LMNA: variants seen among roughly 807,000 people sequenced by gnomAD.
The protein encoded by LMNA is lamin.
A neutral mutation model predicts 70.4 loss-of-function variants in LMNA; 20 were observed. That is an observed-to-expected ratio of 0.28 (90% CI 0.20 to 0.41). The LOEUF (loss-of-function observed/expected upper bound fraction) is 0.41, where lower values mean the gene tolerates loss of function less well. Ranked by LOEUF, LMNA falls within the 10% of genes least tolerant of loss-of-function variation. The pLI is 1.00. For synonymous variants in LMNA, 339 were observed against 372.8 expected (o/e 0.91, Z 1.04); for missense variants, 652 against 917.2 (o/e 0.71, Z 3.73).
chr1:156,116,204 G>A (rs1361969755), intron 1 of LMNA, among the ~76,000 whole-genome samples: 1 of 152,210 alleles, frequency 6.6e-6, no homozygotes, highest in Admixed American at 6.5e-5. Flanking sequence ...GGGCCAGGCA[G>A]TCTTTGCTCG....
At position 156,137,502 on chromosome 1, in the gene LMNA, T is replaced by C; in HGVS notation, c.1609-152T>C. 7.2e-6 allele frequency: 6 copies of C among 833,026 alleles called. No homozygotes were observed. The highest frequency in any genetic ancestry group is 1.2e-5 in the Non-Finnish European group (6 of 507,276). The allele number at this position is 833,026 out of a possible 1,614,324, so 51.6% of individuals were successfully genotyped here. A position where few individuals can be genotyped will look rare whatever the true frequency, so the allele number is the denominator to read the frequency against. On this transcript the variant is annotated intron_variant, in intron 9 of 11. Transcript: ENST00000368300. This position sits in a 1 kb window ranked among gnomAD's most constrained non-coding sequence, Gnocchi z 4.6. Reference sequence around the variant, plus strand: ...AGTGTCCCTCTGGGGTGGAAATGAGTTCCTTAGCTCCATCACCACAGAGGA... The same window carrying C: ...AGTGTCCCTCTGGGGTGGAAATGAGCTCCTTAGCTCCATCACCACAGAGGA...
chr1:156,133,580 AT>A (rs1265478584), intron 2 of LMNA, among the ~76,000 whole-genome samples: 1 of 151,982 alleles, frequency 6.6e-6, no homozygotes, highest in African/African-American at 2.4e-5. Context: ...CAAAAAAAAA[AT>A]AAAAATAAAA....
At chr1:156,116,264 C>G (rs1359818498) in intron 1 of LMNA, among the ~76,000 whole-genome samples, 1 of 152,174 alleles carries the variant, frequency 6.6e-6, no homozygotes, top group Non-Finnish European at 1.5e-5. Flanking sequence ...TATTGAAGTG[C>G]TGGAATACAG....
In LMNA at chr1:156,136,140, G is replaced by A. The variant is rs757715731; in HGVS notation, c.1157+19G>A. ...AGGAGAGGTGGGCTGGGGAGACGTC[G>A]GGGAGGTGCTGGCAGTGTCCTCTGG... On this transcript the variant is annotated intron_variant, in intron 6 of 11. Transcript: ENST00000368300. The surrounding 1 kb of genome is among the most constrained non-coding windows in gnomAD (Gnocchi z 6.1). 3.0e-5 allele frequency: 48 copies of A among 1,613,608 alleles called. No individual in the cohort carries two copies. Among genetic ancestry groups the A allele is most frequent in the Non-Finnish European group, 3.6e-5 (42 of 1,179,906 alleles).
chr1:156,089,741 G>A (rs558464992), intron 2 of LMNA, among the ~76,000 whole-genome samples: 2 of 152,338 alleles, frequency 1.3e-5, no homozygotes, highest in Admixed American at 1.3e-4. Context: ...TTTGGAGATG[G>A]ACAAACGTCT....
At position 156,130,741 on chromosome 1, in the gene LMNA, G is replaced by C; in HGVS notation, c.481G>C (p.Glu161Gln). Residue 161 changes from glutamate to glutamine, a missense_variant, in exon 2 of 12, where the codon GAG becomes CAG. Physicochemically the swap from Glu to Gln is conservative, Grantham distance 29. This residue lies in a region of LMNA where 254 missense variants were observed against 421.9 expected (regional missense o/e 0.60). Coordinates refer to ENST00000368300, the MANE Select transcript of LMNA (RefSeq NM_170707.4). ...CAGTGAGAAGCGCACGCTGGAGGGC[G>C]AGCTGCATGATCTGCGGGGCCAGGT... ...ALSEKRTLEG[E>Q]LHDLRGQVAK... 6.2e-7 allele frequency: 1 copy of C among 1,603,496 alleles called. No homozygotes were observed. The highest frequency in any genetic ancestry group is 8.5e-7 in the Non-Finnish European group (1 of 1,175,366).
chr1:156,101,896 AAGG>A (rs1453730129), intron 3 of LMNA, among the ~76,000 whole-genome samples: 2 of 152,012 alleles, frequency 1.3e-5, no homozygotes, highest in Non-Finnish European at 2.9e-5. Context: ...GAGGCTGAGG[AAGG>A]AGGAGCAGAG....
At position 156,137,947 on chromosome 1, in the gene LMNA, A is replaced by G; in HGVS notation, c.1698+204A>G. On this transcript the variant is annotated intron_variant, in intron 10 of 11. Transcript: ENST00000368300. This position sits in a 1 kb window ranked among gnomAD's most constrained non-coding sequence, Gnocchi z 4.6. Reference sequence around the variant, plus strand: ...GGTGTCTGGGTGCCCTACTCTGGTAAGGAAGGGAGTGGGAACTTTCTGATG... The same window carrying G: ...GGTGTCTGGGTGCCCTACTCTGGTAGGGAAGGGAGTGGGAACTTTCTGATG... The G allele has an allele frequency of 9.0e-7, 1 of 1,109,256 alleles. No individual in the cohort carries two copies. The highest frequency in any genetic ancestry group is 2.6e-5 in the East Asian group (1 of 38,428). The allele number at this position is 1,109,256 out of a possible 1,614,324, so 68.7% of individuals were successfully genotyped here.
At chr1:156,126,770 G>A in intron 1 of LMNA, 2 of 1,588,088 alleles carry the variant, frequency 1.3e-6, no homozygotes, top group Non-Finnish European at 1.7e-6. Flanking sequence ...GAAACAGGAT[G>A]CCCAGCCCTT....
rs1355572160 is a variant in LMNA, at chr1:156,136,201, TC to T, written c.1158-10del. 1.2e-6 allele frequency: 2 copies of T among 1,612,808 alleles called. No individual in the cohort carries two copies. Among genetic ancestry groups the T allele is most frequent in the Non-Finnish European group, 1.7e-6 (2 of 1,179,866 alleles). On this transcript the variant is annotated splice_polypyrimidine_tract_variant and intron_variant, in intron 6 of 11. Coordinates refer to ENST00000368300, the MANE Select transcript of LMNA (RefSeq NM_170707.4). This position sits in a 1 kb window ranked among gnomAD's most constrained non-coding sequence, Gnocchi z 6.1. ...GCCTTGACTAGACCCCCACTTGGTCTCCCTCTCCCCAGGCTACGCCTGTCCC... is the reference window on the plus strand; with the variant it reads ...GCCTTGACTAGACCCCCACTTGGTCTCCTCTCCCCAGGCTACGCCTGTCCC...
Position 156,138,007 on chromosome 1 carries a change from G to A in LMNA, c.1698+264G>A, listed in dbSNP as rs896989915. The A allele has an allele frequency of 4.5e-6, 3 of 673,166 alleles. No homozygotes were observed. Among genetic ancestry groups the A allele is most frequent in the East Asian group, 2.9e-5 (1 of 34,616 alleles). 41.7% of individuals were successfully genotyped at this position (673,166 alleles called of 1,614,324 possible). On this transcript the variant is annotated intron_variant, in intron 10 of 11. Coordinates refer to ENST00000368300, the MANE Select transcript of LMNA (RefSeq NM_170707.4). The surrounding 1 kb of genome is among the most constrained non-coding windows in gnomAD (Gnocchi z 5.5). Reference sequence around the variant, plus strand: ...ATTCCTGTGGGAGCAGTGGACAAGGGTCTGGATTTGTCTTCTGGGAAAGGG... The same window carrying A: ...ATTCCTGTGGGAGCAGTGGACAAGGATCTGGATTTGTCTTCTGGGAAAGGG...
chr1:156,099,002 C>T (rs1434845172), intron 3 of LMNA, among the ~76,000 whole-genome samples: 1 of 152,102 alleles, frequency 6.6e-6, no homozygotes, highest in Non-Finnish European at 1.5e-5. Flanking sequence ...TTAATTGCCT[C>T]CTCATGATGG....
chr1:156,100,105 G>A (rs1482500401), intron 3 of LMNA, among the ~76,000 whole-genome samples: 4 of 152,064 alleles, frequency 2.6e-5, no homozygotes, highest in Non-Finnish European at 5.9e-5. Context: ...TGGAGGTGCT[G>A]CACTTTGGAA....
At chr1:156,082,804 T>C (rs529622360) in intron 1 of LMNA, 21 of 149,334 alleles carry the variant, frequency 1.4e-4, no homozygotes, top group African/African-American at 5.2e-4. Flanking sequence ...GGCCCGCTTT[T>C]TTATGGAAAT....
chr1:156,113,689 A>G (rs1183686741), upstream of LMNA, among the ~76,000 whole-genome samples: 1 of 151,978 alleles, frequency 6.6e-6, no homozygotes, highest in African/African-American at 2.4e-5. Context: ...TTGGCTGTCC[A>G]GCCCCCAGCC....
intron 3 of LMNA, among the ~76,000 whole-genome samples, chr1:156,102,981 T>G (rs1330128225): frequency 6.6e-6 from 1 of 152,204 alleles, no homozygotes; most frequent in African/African-American, 2.4e-5. Context: ...TGGGGACTTG[T>G]GCTGTTGCAG....
chr1:156,126,980 G>A (rs1369617914), intron 1 of LMNA: 2 of 1,462,262 alleles, frequency 1.4e-6, no homozygotes, highest in Non-Finnish European at 1.8e-6. Context: ...AGTCACCTGA[G>A]GGGCCCAGGT....
upstream of LMNA, chr1:156,109,798 A>ATGTATGTG (rs1649467431): frequency 1.2e-5 from 1 of 85,492 alleles, no homozygotes; most frequent in African/African-American, 4.0e-5. Context: ...GCATGTATGT[A>ATGTATGTG]TGTGTGTGTG....
chr1:156,130,426 C>G (rs1352034535), intron 1 of LMNA, among the ~76,000 whole-genome samples, 191 bp from the exon 2 acceptor site: 1 of 150,808 alleles, frequency 6.6e-6, no homozygotes, highest in African/African-American at 2.5e-5. Context: ...AGGGGGTTTT[C>G]AAGGACCTTG....
Sources: gnomAD v4.1 joint callset for allele counts (sites outside exome capture counted in the v4.1 genomes callset) on GRCh38, gnomAD v4.1.1 for gene constraint, gnomAD v4.1.1 regional missense constraint, Gnocchi (gnomAD v3.1) non-coding constraint, MANE v1.5 for transcripts, NCBI Gene and HGNC (gene_info 2026-07-23, HGNC 2026-07-21) for gene names.